The following CCDC85A variants were observed in gnomAD, a reference collection of about 807,000 sequenced individuals.
CCDC85A encodes the protein coiled-coil domain-containing protein 85A.
A neutral mutation model predicts 50.2 loss-of-function variants in CCDC85A; 38 were observed. The ratio of observed to expected loss-of-function variants is 0.76; its 90% CI spans 0.58 to 0.99. The LOEUF is 0.99. Among genes scored for constraint, CCDC85A ranks in the 50% least tolerant of loss-of-function variants. The pLI, the probability that CCDC85A is intolerant of heterozygous loss-of-function variation, is 0.00. For synonymous variants in CCDC85A, 366 were observed against 301.4 expected, an observed-to-expected ratio of 1.21 and a Z score of -2.22; for missense variants, 820 against 742.0, an observed-to-expected ratio of 1.11 and a Z score of -1.22.
intron 3 of CCDC85A, among the ~76,000 whole-genome samples, chr2:56,344,108 C>A (rs997208040): frequency 2.0e-5 from 3 of 152,150 alleles, no homozygotes; most frequent in African/African-American, 7.2e-5. Flanking sequence ...TTCCAAGACC[C>A]CAAGTGGATG....
At chr2:56,221,264 T>A (rs1395671092) in intron 2 of CCDC85A, among the ~76,000 whole-genome samples, 1 of 152,100 alleles carries the variant, frequency 6.6e-6, no homozygotes, top group Non-Finnish European at 1.5e-5. Context: ...GGTCTCATCA[T>A]GAAGTTTTAT....
chr2:56,229,101 C>T (rs1050768624), intron 2 of CCDC85A, among the ~76,000 whole-genome samples: 13 of 152,124 alleles, frequency 8.5e-5, no homozygotes, highest in Non-Finnish European at 1.5e-4. Flanking sequence ...ATTTTTCTAC[C>T]ACAGTCTATG....
intron 2 of CCDC85A, among the ~76,000 whole-genome samples, chr2:56,197,889 T>C (rs1676590038): frequency 6.6e-6 from 1 of 152,242 alleles, no homozygotes; most frequent in East Asian, 1.9e-4. Context: ...ACTGCTTTAC[T>C]TTTTAAAGCC....
At chr2:56,362,497 A>G (rs1309883106) in intron 3 of CCDC85A, among the ~76,000 whole-genome samples, 1 of 151,992 alleles carries the variant, frequency 6.6e-6, no homozygotes, top group Non-Finnish European at 1.5e-5. Context: ...AAAAAAGAAG[A>G]GCTTTGTGGA....
intron 2 of CCDC85A, among the ~76,000 whole-genome samples, chr2:56,311,804 G>A (rs544542125): frequency 9.2e-5 from 14 of 152,142 alleles, no homozygotes; most frequent in African/African-American, 2.9e-4. Context: ...TCTCACCATC[G>A]GTGCAGGGAT....
At chr2:56,340,421 A>C (rs1415532684) in intron 2 of CCDC85A, among the ~76,000 whole-genome samples, 2 of 152,270 alleles carry the variant, frequency 1.3e-5, no homozygotes, top group African/African-American at 4.8e-5. Flanking sequence ...ATGAACACTG[A>C]GGAGGTTGTT....
intron 2 of CCDC85A, among the ~76,000 whole-genome samples, chr2:56,289,927 A>T (rs1671626456): frequency 6.6e-6 from 1 of 152,174 alleles, no homozygotes; most frequent in African/African-American, 2.4e-5. Context: ...TCAACTGCAG[A>T]TCAAACTGAA....
At chr2:56,197,844 T>C (rs1676587874) in intron 2 of CCDC85A, among the ~76,000 whole-genome samples, 1 of 152,238 alleles carries the variant, frequency 6.6e-6, no homozygotes, top group African/African-American at 2.4e-5. Context: ...GTTAGGCTAA[T>C]TTGAAGGCAA....
chr2:56,359,014 G>C (rs1158820320), intron 3 of CCDC85A, among the ~76,000 whole-genome samples: 1 of 150,574 alleles, frequency 6.6e-6, no homozygotes, highest in African/African-American at 2.5e-5. Context: ...GTGTTGGCCA[G>C]GCTGGTCTTG....
At chr2:56,266,865 T>C (rs1670471605) in intron 2 of CCDC85A, among the ~76,000 whole-genome samples, 1 of 152,158 alleles carries the variant, frequency 6.6e-6, no homozygotes, top group African/African-American at 2.4e-5. Flanking sequence ...ATCTTTAAAA[T>C]ACGTTAGCAG....
At chr2:56,277,315 G>T (rs544953310) in intron 2 of CCDC85A, among the ~76,000 whole-genome samples, 1 of 152,066 alleles carries the variant, frequency 6.6e-6, no homozygotes, top group Non-Finnish European at 1.5e-5. Context: ...AGAACAGATT[G>T]TTGGTTGTTT....
chr2:56,381,468 C>T (rs761640839), intron 5 of CCDC85A, among the ~76,000 whole-genome samples: 7 of 152,120 alleles, frequency 4.6e-5, no homozygotes, highest in Non-Finnish European at 8.8e-5. Context: ...TAATTCGGAT[C>T]TCTGAGTTTA....
At chr2:56,301,657 C>T (rs1672209836) in intron 2 of CCDC85A, among the ~76,000 whole-genome samples, 1 of 152,120 alleles carries the variant, frequency 6.6e-6, no homozygotes, top group Non-Finnish European at 1.5e-5. Flanking sequence ...AGGCAGGAAG[C>T]AGACATTTTA....
At chr2:56,353,495 G>A (rs979185729) in intron 3 of CCDC85A, among the ~76,000 whole-genome samples, 1 of 152,208 alleles carries the variant, frequency 6.6e-6, no homozygotes, top group Non-Finnish European at 1.5e-5. Flanking sequence ...GAGACCAGGT[G>A]TAAATAAAAG....
chr2:56,278,323 GT>G (rs908914859), intron 2 of CCDC85A, among the ~76,000 whole-genome samples: 4 of 151,992 alleles, frequency 2.6e-5, no homozygotes, highest in Non-Finnish European at 5.9e-5. Flanking sequence ...ACATAAAATG[GT>G]TTTATTTATT....
intron 2 of CCDC85A, among the ~76,000 whole-genome samples, chr2:56,338,567 T>A (rs937912001): frequency 6.6e-6 from 1 of 151,898 alleles, no homozygotes; most frequent in Non-Finnish European, 1.5e-5. Context: ...TGGATGTGAC[T>A]TTTTTTAAGA....
At chr2:56,320,733 C>T (rs1278165195) in intron 2 of CCDC85A, among the ~76,000 whole-genome samples, 1 of 152,158 alleles carries the variant, frequency 6.6e-6, no homozygotes, top group Non-Finnish European at 1.5e-5. Context: ...TGGTTCCATT[C>T]CTTCTGAAAC....
chr2:56,263,383 G>A (rs539947627), intron 2 of CCDC85A, among the ~76,000 whole-genome samples: 1 of 152,226 alleles, frequency 6.6e-6, no homozygotes, highest in Admixed American at 6.5e-5. Flanking sequence ...TTTACTTTTT[G>A]CCTTGTGCTC....
chr2:56,346,520 C>G (rs1244396900), intron 3 of CCDC85A, among the ~76,000 whole-genome samples: 1 of 152,168 alleles, frequency 6.6e-6, no homozygotes, highest in African/African-American at 2.4e-5. Context: ...CAAGTCATCC[C>G]CAGTGAATGT....
Sources: gnomAD v4.1 joint callset for allele counts (sites outside exome capture counted in the v4.1 genomes callset) on GRCh38, gnomAD v4.1.1 for gene constraint, MANE v1.5 for transcripts, NCBI Gene and HGNC (gene_info 2026-07-23, HGNC 2026-07-21) for gene names.